CAMK4: variants seen among roughly 807,000 people sequenced by gnomAD.
The protein encoded by CAMK4 is calcium/calmodulin dependent protein kinase IV, also known as calcium/calmodulin-dependent protein kinase type IV.
In CAMK4, 22 loss-of-function variants were observed where a neutral mutation model predicts 44.9. That is an observed-to-expected ratio of 0.49 (90% CI 0.35 to 0.70). The LOEUF (loss-of-function observed/expected upper bound fraction) is 0.70, where lower values mean the gene tolerates loss of function less well. Ranked by LOEUF, CAMK4 falls within the 30% of genes least tolerant of loss-of-function variation. CAMK4 has a pLI of 0.01. For missense variants in CAMK4, 498 were observed against 586.8 expected (o/e 0.85, Z 1.56); for synonymous variants, 218 against 215.4 (o/e 1.01, Z -0.11).
chr5:111,224,567 C>T lies in CAMK4; in HGVS notation c.84C>T (p.Leu28=). The T allele has an allele frequency of 2.5e-6, 4 of 1,612,510 alleles. No individual in the cohort carries two copies. The highest frequency in any genetic ancestry group is 2.2e-5 in the South Asian group (2 of 90,944). Residue 28 remains leucine, a synonymous_variant, in exon 1 of 11, where the codon CTC becomes CTT. Coordinates refer to ENST00000282356, the MANE Select transcript of CAMK4 (RefSeq NM_001744.6). The surrounding 1 kb of genome is among the most constrained non-coding windows in gnomAD (Gnocchi z 5.7). ...TASAAPGTAS[L]VPDYWIDGSN... is the part of the protein sequence containing the mutation. Reference sequence around the variant, plus strand: ...GTGCGGCCCCGGGGACCGCGAGCCTCGTCCCGGATTACTGGATCGACGGCT... The same window carrying T: ...GTGCGGCCCCGGGGACCGCGAGCCTTGTCCCGGATTACTGGATCGACGGCT...
At chr5:111,363,802 A>G (rs1750688462) in intron 2 of CAMK4, among the ~76,000 whole-genome samples, 1 of 152,118 alleles carries the variant, frequency 6.6e-6, no homozygotes, top group Non-Finnish European at 1.5e-5. Context: ...AGGCCAAGCC[A>G]TCCTGTTTTA....
At chr5:111,255,030 G>T (rs995326336) in intron 1 of CAMK4, among the ~76,000 whole-genome samples, 1 of 150,924 alleles carries the variant, frequency 6.6e-6, no homozygotes, top group South Asian at 2.1e-4. Flanking sequence ...TACTCCTAAA[G>T]CTATACTTTG....
intron 1 of CAMK4, among the ~76,000 whole-genome samples, chr5:111,277,963 A>G (rs987124269): frequency 2.6e-5 from 4 of 152,222 alleles, no homozygotes; most frequent in South Asian, 4.1e-4. Flanking sequence ...ATAATTATTT[A>G]AAAATTTCAG....
At chr5:111,256,178 C>A (rs973139393) in intron 1 of CAMK4, among the ~76,000 whole-genome samples, 1 of 152,090 alleles carries the variant, frequency 6.6e-6, no homozygotes, top group African/African-American at 2.4e-5. Flanking sequence ...GTGAAAAAAG[C>A]CAATCTCAAA....
intron 1 of CAMK4, chr5:111,282,778 C>G (rs1751077180): frequency 6.6e-6 from 1 of 152,046 alleles, no homozygotes; most frequent in African/African-American, 2.4e-5. Context: ...ACTTTTGTCC[C>G]AATAAACCCA....
In CAMK4 at chr5:111,473,272, C is replaced by T. The variant is rs1226994713; in HGVS notation, c.626-39C>T. ...CTTGATATTAAAATATAAATATTGA[C>T]TAAGCTCTAATTTAACACAATTTTC... is the stretch of plus-strand genomic sequence containing the variant. On this transcript the variant is annotated intron_variant, in intron 7 of 10. Coordinates refer to ENST00000282356, the MANE Select transcript of CAMK4 (RefSeq NM_001744.6). 4.0e-6 allele frequency: 5 copies of T among 1,262,478 alleles called. No homozygotes were observed. The East Asian group carries it at 1.2e-4, about 29-fold the overall frequency. 78.2% of individuals were successfully genotyped at this position (1,262,478 alleles called of 1,614,324 possible). A position where few individuals can be genotyped will look rare whatever the true frequency, so the allele number is the denominator to read the frequency against.
chr5:111,371,732 G>A (rs906419025), intron 2 of CAMK4, among the ~76,000 whole-genome samples: 1 of 152,142 alleles, frequency 6.6e-6, no homozygotes, highest in Non-Finnish European at 1.5e-5. Flanking sequence ...TTGACAATAT[G>A]ATGGAGGTTA....
intron 1 of CAMK4, among the ~76,000 whole-genome samples, chr5:111,243,418 G>A (rs932032296): frequency 6.6e-6 from 1 of 152,192 alleles, no homozygotes; most frequent in African/African-American, 2.4e-5. Flanking sequence ...GACTTAGCAA[G>A]GTTCTTATGA....
intron 1 of CAMK4, among the ~76,000 whole-genome samples, chr5:111,291,559 C>T (rs1747259523): frequency 6.6e-6 from 1 of 152,202 alleles, no homozygotes; most frequent in African/African-American, 2.4e-5. Flanking sequence ...TACTCTGTTA[C>T]TCAGGCTGGA....
chr5:111,446,792 CTT>C lies in CAMK4; in HGVS notation c.550+17_550+18del. On this transcript the variant is annotated intron_variant, in intron 6 of 10. Coordinates refer to ENST00000282356, the MANE Select transcript of CAMK4 (RefSeq NM_001744.6). ...CTCAAAATCGGTGAGAACATTTCTT[CTT>C]GTTTTGTGACCCCTTTTTTCAGAGC... 1 of 1,526,194 alleles carries C rather than the reference CTT, an allele frequency of 6.6e-7. No individual in the cohort carries two copies. The highest frequency in any genetic ancestry group is 9.1e-7 in the Non-Finnish European group (1 of 1,100,226). The allele number at this position is 1,526,194 out of a possible 1,614,324, so 94.5% of individuals were successfully genotyped here.
intron 1 of CAMK4, among the ~76,000 whole-genome samples, chr5:111,232,765 A>ATT (rs36107444): frequency 3.4e-5 from 5 of 146,046 alleles, no homozygotes; most frequent in East Asian, 2.0e-4. Flanking sequence ...GATGATGTAA[A>ATT]TTTTTTTTTT....
chr5:111,424,802 G>A (rs190790803), intron 5 of CAMK4, among the ~76,000 whole-genome samples: 4 of 151,996 alleles, frequency 2.6e-5, no homozygotes, highest in Admixed American at 2.6e-4. Context: ...AGTTCCACAG[G>A]CACAACTCTT....
intron 7 of CAMK4, among the ~76,000 whole-genome samples, chr5:111,450,166 TAAATA>T (rs915054219): frequency 2.9e-4 from 44 of 150,864 alleles, no homozygotes; most frequent in African/African-American, 9.8e-4. Flanking sequence ...TAAAAAAAAA[TAAATA>T]AAATAAAAAT....
At chr5:111,408,866 A>T (rs908513699) in intron 5 of CAMK4, among the ~76,000 whole-genome samples, 2 of 152,136 alleles carry the variant, frequency 1.3e-5, no homozygotes, top group African/African-American at 4.8e-5. Flanking sequence ...GGGCAGAAAA[A>T]TCTTAAAGCT....
rs113698334 is a variant in CAMK4 at position 111,478,657 on chromosome 5, C to T, written c.828+150C>T. 2,618 of 461,038 alleles carry T rather than the reference C, an allele frequency of 5.7e-3. 61 individuals are homozygous for T. The highest frequency in any genetic ancestry group is 0.047 in the African/African-American group (2,366 of 49,984). The allele number at this position is 461,038 out of a possible 1,614,324, so 28.6% of individuals were successfully genotyped here. A position where few individuals can be genotyped will look rare whatever the true frequency, so the allele number is the denominator to read the frequency against. ...TTTTAATAAAATTAGTTCATTAATACATTTTCCTTAGAGAATAAAAACTAG... is the reference window on the plus strand; with the variant it reads ...TTTTAATAAAATTAGTTCATTAATATATTTTCCTTAGAGAATAAAAACTAG... On this transcript the variant is annotated intron_variant, in intron 9 of 10. Coordinates refer to ENST00000282356, the MANE Select transcript of CAMK4 (RefSeq NM_001744.6).
chr5:111,463,408 T>TCTGCAGGCCCCAGGAGACAACCG (rs1754709459), intron 7 of CAMK4, among the ~76,000 whole-genome samples: 2 of 152,008 alleles, frequency 1.3e-5, no homozygotes, highest in African/African-American at 4.8e-5. Context: ...GGAGACAACC[T>TCTGCAGGCCCCAGGAGACAACCG]AAAAACTCTG....
chr5:111,302,392 C>G (rs958657142), intron 1 of CAMK4: 1 of 147,298 alleles, frequency 6.8e-6, no homozygotes, highest in Non-Finnish European at 1.5e-5. Context: ...GTGTGCGCAC[C>G]GTGCGGGAGC....
At chr5:111,252,584 A>G (rs1392441912) in intron 1 of CAMK4, among the ~76,000 whole-genome samples, 2 of 152,210 alleles carry the variant, frequency 1.3e-5, no homozygotes, top group East Asian at 3.8e-4. Flanking sequence ...CTTACACGTA[A>G]TACTCAGTTT....
At chr5:111,240,031 T>G (rs1748915448) in intron 1 of CAMK4, among the ~76,000 whole-genome samples, 1 of 152,238 alleles carries the variant, frequency 6.6e-6, no homozygotes, top group South Asian at 2.1e-4. Flanking sequence ...TTTCCACATC[T>G]GCAGACAAAA....
Sources: allele counts gnomAD v4.1 joint callset (sites outside exome capture counted in the v4.1 genomes callset), GRCh38; gene constraint gnomAD v4.1.1; non-coding constraint Gnocchi (gnomAD v3.1); transcripts MANE v1.5; gene names NCBI Gene and HGNC (gene_info 2026-07-23, HGNC 2026-07-21).